The following PACRG variants were observed in gnomAD, a reference collection of about 807,000 sequenced individuals.
The protein encoded by PACRG is parkin coregulated.
PACRG carries 29 observed loss-of-function variants against 29.7 expected under a neutral mutation model. That is an observed-to-expected ratio of 0.98 (90% confidence interval 0.73 to 1.33). PACRG has a LOEUF of 1.33. PACRG is among the 40% of genes most tolerant of loss of function. PACRG has a pLI of 0.00. For synonymous variants in PACRG, 116 were observed against 118.7 expected, an observed-to-expected ratio of 0.98 and a Z score of 0.15; for missense variants, 279 against 316.2, an observed-to-expected ratio of 0.88 and a Z score of 0.89.
chr6:162,879,826 G>A lies in PACRG; in HGVS notation c.291+65545G>A, dbSNP rs114601269. 3.4e-3 allele frequency among the ~76,000 whole-genome samples: 524 copies of A among 152,322 alleles called. 3 individuals carry two copies. The highest frequency in any genetic ancestry group is 0.012 in the African/African-American group (495 of 41,576). The stretch of plus-strand genomic sequence containing the variant: ...CAGTGAATTCAAGAGGGCAGGGAAC[G>A]TGAGGGAGTTACTCCTTCTTCAAGG... On this transcript the variant is annotated intron_variant, in intron 2 of 4. Coordinates refer to ENST00000366888, the MANE Select transcript of PACRG (RefSeq NM_001080379.2).
At chr6:162,769,892 T>C (rs111963681) in intron 1 of PACRG, among the ~76,000 whole-genome samples, 7 of 152,252 alleles carry the variant, frequency 4.6e-5, no homozygotes, top group Non-Finnish European at 7.4e-5. Context: ...CTGATTCTTA[T>C]TGATTACATT....
intron 2 of PACRG, among the ~76,000 whole-genome samples, chr6:162,982,803 A>G (rs972862456): frequency 1.3e-5 from 2 of 152,228 alleles, no homozygotes; most frequent in African/African-American, 4.8e-5. Context: ...AATGTTCTAT[A>G]AATATCTGTT....
chr6:163,102,574 A>T (rs532718631), intron 4 of PACRG, among the ~76,000 whole-genome samples: 1 of 152,148 alleles, frequency 6.6e-6, no homozygotes, highest in African/African-American at 2.4e-5. Flanking sequence ...TTTTTTTCCA[A>T]ATCTTTGCTA....
intron 4 of PACRG, among the ~76,000 whole-genome samples, chr6:163,300,517 A>C (rs762448582): frequency 2.6e-5 from 4 of 152,310 alleles, no homozygotes; most frequent in Non-Finnish European, 5.9e-5. Flanking sequence ...TGTGAGCCAG[A>C]ATGCTGCCAA....
intron 1 of PACRG, among the ~76,000 whole-genome samples, chr6:162,768,605 A>T (rs1782978499): frequency 6.6e-6 from 1 of 152,080 alleles, no homozygotes; most frequent in South Asian, 2.1e-4. Flanking sequence ...TTTAATTTTT[A>T]AAATATTTCA....
At position 162,871,200 on chromosome 6, in the gene PACRG, A is replaced by G. The variant is rs980232558; in HGVS notation, c.291+56919A>G. Among the ~76,000 whole-genome samples the G allele has an allele frequency of 9.2e-5, 14 of 152,224 alleles. 1 individual carries two copies. The highest frequency in any genetic ancestry group is 3.4e-4 in the African/African-American group (14 of 41,462). On this transcript the variant is annotated intron_variant, in intron 2 of 4. Transcript: ENST00000366888. Reference sequence around the variant, plus strand: ...TTTCTTAATATTTATCAATAAAAGTATGCAATCATACTTTTGTATTTTATT... The same window carrying G: ...TTTCTTAATATTTATCAATAAAAGTGTGCAATCATACTTTTGTATTTTATT...
chr6:162,748,953 C>T (rs1372448093), intron 1 of PACRG, among the ~76,000 whole-genome samples: 1 of 152,162 alleles, frequency 6.6e-6, no homozygotes, highest in East Asian at 1.9e-4. Flanking sequence ...TTCCCCCCTT[C>T]TCCAGTTAGC....
At chr6:163,081,505 C>G (rs1330095116) in intron 3 of PACRG, among the ~76,000 whole-genome samples, 3 of 152,222 alleles carry the variant, frequency 2.0e-5, no homozygotes, top group African/African-American at 7.2e-5. Context: ...CCTGTTAATC[C>G]CAACACTTTG....
chr6:163,275,293 A>AT (rs1340704415), intron 4 of PACRG, among the ~76,000 whole-genome samples: 3 of 151,962 alleles, frequency 2.0e-5, no homozygotes, highest in Non-Finnish European at 2.9e-5. Context: ...TCTTCCTCTT[A>AT]TTTTTTTGTT....
Position 163,093,479 on chromosome 6 carries a change from G to A in PACRG, c.613+4071G>A, listed in dbSNP as rs577101687. Among the ~76,000 whole-genome samples the A allele has an allele frequency of 2.0e-5, 3 of 152,292 alleles. No individual in the cohort carries two copies. The East Asian group carries it at 5.8e-4, about 29-fold the overall frequency. On this transcript the variant is annotated intron_variant, in intron 4 of 4. Transcript: ENST00000366888. ...GAATCTTCAATTTATAGCTTTCAGA[G>A]ATGAAACTACCAAATTAATGATGCA...
intron 1 of PACRG, among the ~76,000 whole-genome samples, chr6:162,758,734 G>A (rs964584020): frequency 1.3e-5 from 2 of 152,052 alleles, no homozygotes; most frequent in African/African-American, 4.8e-5. Context: ...GCCTCCTGGG[G>A]CTATGAGGAT....
At chr6:163,189,504 C>T (rs968563575) in intron 4 of PACRG, 4 of 152,232 alleles carry the variant, frequency 2.6e-5, no homozygotes, top group African/African-American at 9.6e-5. Flanking sequence ...TATTCATTAT[C>T]TGATACCTTT....
chr6:163,102,452 A>C (rs946998070), intron 4 of PACRG, among the ~76,000 whole-genome samples: 1 of 152,220 alleles, frequency 6.6e-6, no homozygotes, highest in Non-Finnish European at 1.5e-5. Flanking sequence ...TGTCAGCTTC[A>C]TCAGTGCTAC....
At chr6:162,743,725 C>G (rs556833738) in intron 1 of PACRG, among the ~76,000 whole-genome samples, 2 of 152,120 alleles carry the variant, frequency 1.3e-5, no homozygotes, top group East Asian at 3.9e-4. Flanking sequence ...AATTCATATA[C>G]ATATAATTCA....
At chr6:163,230,495 T>C (rs1213491970) in intron 4 of PACRG, among the ~76,000 whole-genome samples, 2 of 152,210 alleles carry the variant, frequency 1.3e-5, no homozygotes, top group Non-Finnish European at 2.9e-5. Context: ...AATAAACTAG[T>C]TATCTGGAAA....
At chr6:162,830,049 G>T (rs1788616722) in intron 2 of PACRG, among the ~76,000 whole-genome samples, 1 of 152,186 alleles carries the variant, frequency 6.6e-6, no homozygotes, top group Non-Finnish European at 1.5e-5. Context: ...CTCTCAGAAT[G>T]CTGTCATGGT....
At chr6:163,046,879 T>C (rs1378636776) in intron 2 of PACRG, among the ~76,000 whole-genome samples, 1 of 152,236 alleles carries the variant, frequency 6.6e-6, no homozygotes, top group African/African-American at 2.4e-5. Context: ...TAAAGAGCTT[T>C]AACAAATTGG....
chr6:162,727,913 C>T, upstream of PACRG: 1 of 592,708 alleles, frequency 1.7e-6, no homozygotes, highest in Middle Eastern at 4.5e-4. Context: ...TTTCCGGCTT[C>T]AGGCCCAGCA....
intron 1 of PACRG, among the ~76,000 whole-genome samples, chr6:162,811,953 A>C (rs1786908812): frequency 6.6e-6 from 1 of 152,162 alleles, no homozygotes; most frequent in Non-Finnish European, 1.5e-5. Flanking sequence ...TGTACACACA[A>C]CAACTTATAT....
Sources: gnomAD v4.1 joint callset for allele counts (sites outside exome capture counted in the v4.1 genomes callset) on GRCh38, gnomAD v4.1.1 for gene constraint, MANE v1.5 for transcripts, NCBI Gene and HGNC (gene_info 2026-07-23, HGNC 2026-07-21) for gene names.